The following ARHGAP27 variants were observed in gnomAD, a reference collection of about 807,000 sequenced individuals.
The protein encoded by ARHGAP27 is rho GTPase-activating protein 27.
In ARHGAP27, 53 loss-of-function variants were observed where a neutral mutation model predicts 102.0. The observed-to-expected ratio is 0.52, with a 90% CI of 0.42 to 0.65. ARHGAP27 has a LOEUF of 0.65. Ranked by LOEUF, ARHGAP27 falls within the 30% of genes least tolerant of loss-of-function variation. ARHGAP27 has a pLI of 0.00. For missense variants in ARHGAP27, 1,117 were observed against 1,256.2 expected, an observed-to-expected ratio of 0.89 and a Z score of 1.68; for synonymous variants, 525 against 542.8, an observed-to-expected ratio of 0.97 and a Z score of 0.46.
At position 45,427,115 on chromosome 17, in the gene ARHGAP27, C is replaced by T. The variant is rs982954939; in HGVS notation, c.657+2508G>A. Among the ~76,000 whole-genome samples, 11 of 151,988 alleles carry T rather than the reference C, an allele frequency of 7.2e-5. No homozygotes were observed. Among genetic ancestry groups the T allele is most frequent in the African/African-American group, 2.7e-4 (11 of 41,352 alleles). ...AACCTGATTTCCCTCCCACCTCCCT[C>T]GGCCCCCAGACCCTGCCCATCCATC... On this transcript the variant is annotated intron_variant, in intron 4 of 19. Transcript: ENST00000685559. The surrounding 1 kb of genome is among the most constrained non-coding windows in gnomAD (Gnocchi z 4.5).
intron 4 of ARHGAP27, chr17:45,410,265 C>T: frequency 1.3e-6 from 2 of 1,533,358 alleles, no homozygotes; most frequent in South Asian, 2.4e-5. Flanking sequence ...GCCTCCTGGT[C>T]ACTTTGGCGA....
chr17:45,424,175 C>G (rs564099776), intron 4 of ARHGAP27, among the ~76,000 whole-genome samples: 1 of 152,366 alleles, frequency 6.6e-6, no homozygotes, highest in East Asian at 1.9e-4. Flanking sequence ...CCCACAGCAG[C>G]CTCAGCTGGA....
Position 45,403,661 on chromosome 17 carries a change from C to T in ARHGAP27, c.1596G>A (p.Leu532=). The change falls in exon 11 of 20, where the codon CTG becomes CTA. Residue 532 remains leucine (L), a synonymous_variant. Transcript: ENST00000685559. ...AGGTCTTTGAGTCCTTGAAGAATGT[C>T]AGGACGCCACCCTCCAGCACAGTCC... ...ASWTVLEGGV[L]TFFKDSKTSA... The T allele has an allele frequency of 6.2e-7, 1 of 1,614,064 alleles. No homozygotes were observed. Among genetic ancestry groups the T allele is most frequent in the South Asian group, 1.1e-5 (1 of 91,082 alleles).
intron 8 of ARHGAP27, 49 bp from the exon 9 acceptor site, chr17:45,404,383 TC>T: frequency 6.2e-7 from 1 of 1,613,438 alleles, no homozygotes; most frequent in Non-Finnish European, 8.5e-7. Context: ...TCCCAGGAAC[TC>T]CAGAAGCCCC....
intron 4 of ARHGAP27, among the ~76,000 whole-genome samples, chr17:45,407,347 C>G (rs1039310421): frequency 6.6e-6 from 1 of 151,932 alleles, no homozygotes. Context: ...GCTGAGGTGC[C>G]AGGTTCCAGC....
At chr17:45,408,185 T>G (rs62064637) in intron 4 of ARHGAP27, 21,116 of 151,074 alleles carry the variant, frequency 0.14, 1,767 homozygotes, top group Middle Eastern at 0.25. Flanking sequence ...ACCAAAACAA[T>G]GAAAAGAAGA....
intron 4 of ARHGAP27, among the ~76,000 whole-genome samples, chr17:45,426,039 CAGA>C (rs1433046179): frequency 6.6e-6 from 1 of 152,276 alleles, no homozygotes; most frequent in Non-Finnish European, 1.5e-5. Context: ...GCAGGACGCT[CAGA>C]AGAAGGAGCA....
intron 6 of ARHGAP27, 96 bp from the exon 7 acceptor site, chr17:45,404,777 C>A: frequency 6.6e-7 from 1 of 1,506,210 alleles, no homozygotes; most frequent in South Asian, 1.2e-5. Context: ...ACCAGGGAGT[C>A]TGGAGGGGCA....
intron 4 of ARHGAP27, among the ~76,000 whole-genome samples, chr17:45,406,648 G>A (rs2047201290): frequency 2.0e-5 from 3 of 152,164 alleles, no homozygotes; most frequent in Admixed American, 6.6e-5. Flanking sequence ...TGCCCATTCA[G>A]GGCCCTGCTG....
intron 4 of ARHGAP27, among the ~76,000 whole-genome samples, chr17:45,421,432 T>C (rs922242646): frequency 6.7e-6 from 1 of 150,190 alleles, no homozygotes; most frequent in Non-Finnish European, 1.5e-5. Flanking sequence ...CAGTGAGCCG[T>C]GATCGTGCCA....
At chr17:45,428,202 G>C (rs2049791204) in intron 4 of ARHGAP27, among the ~76,000 whole-genome samples, 1 of 152,210 alleles carries the variant, frequency 6.6e-6, no homozygotes, top group Non-Finnish European at 1.5e-5. Context: ...GCCCAGCCCC[G>C]CCCGCCGGGT....
At chr17:45,413,180 G>A (rs892413505) in intron 4 of ARHGAP27, among the ~76,000 whole-genome samples, 1 of 151,302 alleles carries the variant, frequency 6.6e-6, no homozygotes, top group African/African-American at 2.4e-5. Flanking sequence ...GGGTTTCATC[G>A]TGTTGGCCAG....
At chr17:45,415,123 A>G (rs2048331925) in intron 4 of ARHGAP27, among the ~76,000 whole-genome samples, 1 of 151,412 alleles carries the variant, frequency 6.6e-6, no homozygotes, top group Non-Finnish European at 1.5e-5. Flanking sequence ...TCCTTTTAAC[A>G]ACTAATTCCT....
rs939434648 is a variant in ARHGAP27 at position 45,427,516 on chromosome 17, T to C, written c.657+2107A>G. 6.6e-6 allele frequency among the ~76,000 whole-genome samples: 1 copy of C among 152,232 alleles called. No homozygotes were observed. The highest frequency in any genetic ancestry group is 1.5e-5 in the Non-Finnish European group (1 of 68,042). On this transcript the variant is annotated intron_variant, in intron 4 of 19. Transcript: ENST00000685559. The surrounding 1 kb of genome is among the most constrained non-coding windows in gnomAD (Gnocchi z 4.5). ...AGGAGTGAATGGGCCTGGAGGATCA[T>C]GGTGGGGAAACTCTGCCTGGGACAA...
Position 45,430,161 on chromosome 17 carries a change from CGCCGCAGCA to C in ARHGAP27, c.110_118del (p.Leu37_Arg39del). On this transcript the variant is annotated inframe_deletion, in exon 4 of 20. Transcript: ENST00000685559. The surrounding 1 kb of genome is among the most constrained non-coding windows in gnomAD (Gnocchi z 4.4). The stretch of plus-strand genomic sequence containing the variant: ...CACGTGCCACCAGTGCTCGGTGCTG[CGCCGCAGCA>C]GCCGGTAGCGCTCATTCGGCCGGAT... 1 of 1,536,468 alleles carries C rather than the reference CGCCGCAGCA, an allele frequency of 6.5e-7. No homozygotes were observed. Among genetic ancestry groups the C allele is most frequent in the Non-Finnish European group, 8.7e-7 (1 of 1,147,850 alleles).
Position 45,404,538 on chromosome 17 carries a change from AAGACAC to A in ARHGAP27, c.1330-16_1330-11del. 1.2e-6 allele frequency: 2 copies of A among 1,613,290 alleles called. No individual in the cohort carries two copies. Among genetic ancestry groups the A allele is most frequent in the Non-Finnish European group, 1.7e-6 (2 of 1,179,722 alleles). On this transcript the variant is annotated splice_polypyrimidine_tract_variant and intron_variant, in intron 7 of 19. Transcript: ENST00000685559. ...GGGCAGGGACAGGGACCTGGGGAGA[AAGACAC>A]AGTCGTATATGATCTCTTCCTCTCT...
In ARHGAP27 at chr17:45,410,437, AG is replaced by A. The variant is rs1291384335; in HGVS notation, c.658-4355del. 4.3e-6 allele frequency: 5 copies of A among 1,172,802 alleles called. No individual in the cohort carries two copies. The Admixed American group carries it at 2.3e-4, about 53-fold the overall frequency. The allele number at this position is 1,172,802 out of a possible 1,614,324, so 72.6% of individuals were successfully genotyped here. On this transcript the variant is annotated intron_variant, in intron 4 of 19. Transcript: ENST00000685559. ...CTGAGACTCCAGCCCATTTCCTGTC[AG>A]GGCTGCGGAAGTGCTGCCTGAGTTG...
intron 4 of ARHGAP27, among the ~76,000 whole-genome samples, chr17:45,415,857 T>C (rs2048396323): frequency 2.6e-5 from 4 of 152,142 alleles, no homozygotes; most frequent in African/African-American, 9.7e-5. Context: ...ATACAAGGCA[T>C]GGACTTGGAC....
At chr17:45,402,918 G>A in intron 11 of ARHGAP27, 100 bp from the exon 12 acceptor site, 1 of 1,055,986 alleles carries the variant, frequency 9.5e-7, no homozygotes, top group East Asian at 2.4e-5. Flanking sequence ...GGCATGGCCA[G>A]GAAACAACTC....
Sources: gnomAD v4.1 joint callset for allele counts (sites outside exome capture counted in the v4.1 genomes callset) on GRCh38, gnomAD v4.1.1 for gene constraint, Gnocchi (gnomAD v3.1) non-coding constraint, MANE v1.5 for transcripts, NCBI Gene and HGNC (gene_info 2026-07-23, HGNC 2026-07-21) for gene names.